SLC44A5: variants seen among roughly 807,000 people sequenced by gnomAD.
The protein encoded by SLC44A5 is solute carrier family 44 member 5.
A neutral mutation model predicts 101.8 loss-of-function variants in SLC44A5; 57 were observed. The observed-to-expected ratio is 0.56, with a 90% CI of 0.45 to 0.70. SLC44A5 has a LOEUF of 0.70. Ranked by LOEUF, SLC44A5 falls within the 30% of genes least tolerant of loss-of-function variation. The pLI, the probability that SLC44A5 is intolerant of heterozygous loss-of-function variation, is 0.00. For missense variants in SLC44A5, 737 were observed against 853.1 expected (o/e 0.86, Z 1.70); for synonymous variants, 281 against 290.9 (o/e 0.97, Z 0.35).
the SLC44A5 span, among the ~76,000 whole-genome samples, chr1:75,617,197 G>C: frequency 2.0e-5 from 3 of 152,128 alleles, no homozygotes; most frequent in Non-Finnish European, 4.4e-5. Context: ...CTGCAGCTGA[G>C]ATTGCCGCCG....
intron 1 of SLC44A5, among the ~76,000 whole-genome samples, chr1:75,570,844 G>A (rs369635079): frequency 6.6e-6 from 1 of 152,080 alleles, no homozygotes; most frequent in African/African-American, 2.4e-5. Context: ...AAGACAGTAC[G>A]TTAATGTGCT....
chr1:75,478,999 A>C (rs1016430521), intron 2 of SLC44A5, among the ~76,000 whole-genome samples: 1 of 152,232 alleles, frequency 6.6e-6, no homozygotes, highest in Non-Finnish European at 1.5e-5. Flanking sequence ...GCATACTTGG[A>C]AGTAAAGCTG....
In SLC44A5 at chr1:75,242,881, C is replaced by T; in HGVS notation, c.471+5G>A. 4 of 1,585,186 alleles carry T rather than the reference C, an allele frequency of 2.5e-6. No homozygotes were observed. Among genetic ancestry groups the T allele is most frequent in the Non-Finnish European group, 3.4e-6 (4 of 1,168,796 alleles). On this transcript the variant is annotated splice_donor_5th_base_variant and intron_variant, in intron 8 of 23. Transcript: ENST00000370859. ...TTCTCTTGCTTTAAGCTTAAACACACATACCTTCACAGGCTTAGCAGTGGT... is the reference window on the plus strand; with the variant it reads ...TTCTCTTGCTTTAAGCTTAAACACATATACCTTCACAGGCTTAGCAGTGGT...
At chr1:75,390,808 A>G (rs766127556) in intron 3 of SLC44A5, among the ~76,000 whole-genome samples, 60 of 152,100 alleles carry the variant, frequency 3.9e-4, no homozygotes, top group Admixed American at 6.5e-4. Flanking sequence ...CACTCTCACC[A>G]CTCCTATTCA....
chr1:75,648,174 G>C, the SLC44A5 span, among the ~76,000 whole-genome samples: 37 of 152,262 alleles, frequency 2.4e-4, no homozygotes, highest in African/African-American at 8.7e-4. Context: ...TATGAGATCT[G>C]ATAGTTTTTT....
chr1:75,569,875 TG>T (rs1672982943), intron 1 of SLC44A5, among the ~76,000 whole-genome samples: 1 of 152,152 alleles, frequency 6.6e-6, no homozygotes, highest in African/African-American at 2.4e-5. Context: ...TGAGAGGTAA[TG>T]CCAGGAAACA....
chr1:75,274,839 G>T, intron 6 of SLC44A5, 119 bp downstream of exon 6: 1 of 783,918 alleles, frequency 1.3e-6, no homozygotes, highest in Non-Finnish European at 2.1e-6. Flanking sequence ...AAAAGGGAGG[G>T]AAGGCTTCCT....
At chr1:75,595,682 A>T (rs934549931) in intron 1 of SLC44A5, among the ~76,000 whole-genome samples, 9 of 152,214 alleles carry the variant, frequency 5.9e-5, no homozygotes, top group Admixed American at 2.0e-4. Flanking sequence ...CATAATTTTT[A>T]AAAAAACTGC....
chr1:75,678,912 C>T, the SLC44A5 span, among the ~76,000 whole-genome samples: 15 of 151,948 alleles, frequency 9.9e-5, no homozygotes, highest in African/African-American at 3.1e-4. Context: ...CAGAGAAGTG[C>T]GTAAAGGAGC....
intron 2 of SLC44A5, among the ~76,000 whole-genome samples, chr1:75,444,465 AAAAG>A (rs1483480964): frequency 2.7e-5 from 3 of 110,096 alleles, no homozygotes; most frequent in African/African-American, 1.0e-4. Flanking sequence ...GAAAAAGAAA[AAAAG>A]AAAGAGAAAG....
At position 75,473,616 on chromosome 1, in the gene SLC44A5, A is replaced by G. The variant is rs956754873; in HGVS notation, c.13+67819T>C. On this transcript the variant is annotated intron_variant, in intron 2 of 23. Transcript: ENST00000370859. ...TAGATGTTTTCTTATTCACATTTCT[A>G]TGTTTAATTTCAAGAGATAATACTT... 7.2e-5 allele frequency among the ~76,000 whole-genome samples: 11 copies of G among 152,288 alleles called. No individual in the cohort carries two copies. In the East Asian group the frequency reaches 2.1e-3, roughly 29 times the overall value.
At chr1:75,718,954 T>C in the SLC44A5 span, among the ~76,000 whole-genome samples, 1 of 152,234 alleles carries the variant, frequency 6.6e-6, no homozygotes, top group Non-Finnish European at 1.5e-5. Context: ...AATATAGTTA[T>C]GTACATATGT....
the SLC44A5 span, among the ~76,000 whole-genome samples, chr1:75,698,212 AC>A: frequency 6.6e-6 from 1 of 152,238 alleles, no homozygotes; most frequent in African/African-American, 2.4e-5. Context: ...GCACAGACAA[AC>A]AAAAACACAG....
chr1:75,365,388 T>G (rs1490201930), intron 3 of SLC44A5, among the ~76,000 whole-genome samples: 1 of 152,168 alleles, frequency 6.6e-6, no homozygotes, highest in African/African-American at 2.4e-5. Context: ...GTTCTTATCA[T>G]TTAGCTCCAA....
At chr1:75,626,187 C>T in the SLC44A5 span, among the ~76,000 whole-genome samples, 39,076 of 152,072 alleles carry the variant, frequency 0.26, 5,902 homozygotes, top group Non-Finnish European at 0.35. Context: ...TTTTATTTTG[C>T]TCCGTCAATG....
At chr1:75,613,884 T>C (rs1278098118), upstream of SLC44A5, among the ~76,000 whole-genome samples, 2 of 152,226 alleles carry the variant, frequency 1.3e-5, no homozygotes, top group African/African-American at 2.4e-5. Context: ...TTTCATCAAA[T>C]CTCTTATATG....
chr1:75,502,552 GTTTA>G (rs1669019621), intron 2 of SLC44A5, among the ~76,000 whole-genome samples: 1 of 147,734 alleles, frequency 6.8e-6, no homozygotes, highest in Non-Finnish European at 1.5e-5. Context: ...TTTTTTATTT[GTTTA>G]TTTTTTTATT....
intron 2 of SLC44A5, among the ~76,000 whole-genome samples, chr1:75,539,286 C>G (rs1671224233): frequency 6.6e-6 from 1 of 152,128 alleles, no homozygotes; most frequent in Non-Finnish European, 1.5e-5. Context: ...GTGGATATAG[C>G]TTAATGTTTT....
chr1:75,634,120 T>G, the SLC44A5 span, among the ~76,000 whole-genome samples: 3 of 152,196 alleles, frequency 2.0e-5, no homozygotes, highest in Non-Finnish European at 4.4e-5. Context: ...GGATTCGCTT[T>G]GCCAGTATTT....
Sources: allele counts gnomAD v4.1 joint callset (sites outside exome capture counted in the v4.1 genomes callset), GRCh38; gene constraint gnomAD v4.1.1; transcripts MANE v1.5; gene names NCBI Gene and HGNC (gene_info 2026-07-23, HGNC 2026-07-21).